RASGRP3: variants seen among roughly 807,000 people sequenced by gnomAD.
RASGRP3 encodes the protein RAS guanyl releasing protein 3.
A neutral mutation model predicts 82.7 loss-of-function variants in RASGRP3; 54 were observed. That is an observed-to-expected ratio of 0.65 (90% CI 0.52 to 0.82). The LOEUF (loss-of-function observed/expected upper bound fraction) is 0.82, where lower values mean the gene tolerates loss of function less well. Ranked by LOEUF, RASGRP3 falls within the 40% of genes least tolerant of loss-of-function variation. The probability of loss-of-function intolerance (pLI) is 0.00; values close to 1 mark genes in which losing one functional copy is unlikely to be tolerated. For missense variants in RASGRP3, 861 were observed against 828.9 expected (o/e 1.04, Z -0.48); for synonymous variants, 309 against 300.5 (o/e 1.03, Z -0.29).
rs1298133726 is a variant in RASGRP3, at chr2:33,563,957, C to T, written c.*1220C>T. 1 of 152,130 alleles carries T rather than the reference C, an allele frequency of 6.6e-6. No individual in the cohort carries two copies. Among genetic ancestry groups the T allele is most frequent in the Non-Finnish European group, 1.5e-5 (1 of 68,030 alleles). The allele number at this position is 152,130 out of a possible 1,614,324, so 9.4% of individuals were successfully genotyped here. The stretch of plus-strand genomic sequence containing the variant: ...GAGCTGGGACTGAGCCTGTGAATGA[C>T]AGGAATGATCTATTACCAGGTGACT... On this transcript the variant is annotated 3_prime_UTR_variant, in exon 18 of 18. Transcript: ENST00000403687.
At chr2:33,478,160 TGATGGAAGCAGTTTCG>T (rs1365637225) in intron 1 of RASGRP3, among the ~76,000 whole-genome samples, 1 of 152,214 alleles carries the variant, frequency 6.6e-6, no homozygotes, top group East Asian at 1.9e-4. Flanking sequence ...CAATGTTCTC[TGATGGAAGCAGTTTCG>T]GATGCCCTGT....
At chr2:33,439,459 C>G (rs1665106000) in intron 1 of RASGRP3, among the ~76,000 whole-genome samples, 1 of 152,068 alleles carries the variant, frequency 6.6e-6, no homozygotes. Context: ...TTCCTGCGCC[C>G]AAGGAATAGG....
chr2:33,539,701 C>G (rs950131673), intron 12 of RASGRP3: 2 of 152,270 alleles, frequency 1.3e-5, no homozygotes, highest in African/African-American at 4.8e-5. Context: ...CAGAGTTTTC[C>G]GTGTAGAAAA....
chr2:33,541,914 G>A (rs1044010797), intron 12 of RASGRP3, among the ~76,000 whole-genome samples: 5 of 146,678 alleles, frequency 3.4e-5, no homozygotes, highest in African/African-American at 1.2e-4. Context: ...TTTATCTTTG[G>A]TACTTTTATA....
In RASGRP3 at chr2:33,527,243, A is replaced by G; in HGVS notation, c.914A>G (p.His305Arg). Residue 305 changes from histidine (H) to arginine (R), a missense_variant, in exon 10 of 18, where the codon CAC becomes CGC. By Grantham distance (29) the His-to-Arg change is conservative. Coordinates refer to ENST00000403687, the MANE Select transcript of RASGRP3 (RefSeq NM_001139488.2). ...DGFKIPILGV[H>R]LKDLIAVHVI... ...TTCAAAATCCCCATCCTTGGAGTACACTTGAAAGACTTGATAGCTGTCCAT... is the reference window on the plus strand; with the variant it reads ...TTCAAAATCCCCATCCTTGGAGTACGCTTGAAAGACTTGATAGCTGTCCAT... 2 of 1,614,026 alleles carry G rather than the reference A, an allele frequency of 1.2e-6. No individual in the cohort carries two copies. The highest frequency in any genetic ancestry group is 1.7e-6 in the Non-Finnish European group (2 of 1,179,890).
chr2:33,519,466 A>T (rs1308306749), intron 4 of RASGRP3, among the ~76,000 whole-genome samples: 2 of 152,126 alleles, frequency 1.3e-5, no homozygotes, highest in Admixed American at 6.6e-5. Flanking sequence ...AATACAAAAA[A>T]TTAGCCAGGC....
chr2:33,521,395 G>C (rs995046921), intron 6 of RASGRP3, among the ~76,000 whole-genome samples: 1 of 152,166 alleles, frequency 6.6e-6, no homozygotes, highest in African/African-American at 2.4e-5. Flanking sequence ...AGTCTACTCT[G>C]TTTTCCACTG....
chr2:33,482,636 G>C (rs1175673225), intron 1 of RASGRP3: 8 of 152,230 alleles, frequency 5.3e-5, no homozygotes, highest in Admixed American at 3.3e-4. Context: ...ACAACTGAGA[G>C]AGTCTTAACT....
intron 1 of RASGRP3, among the ~76,000 whole-genome samples, chr2:33,443,619 AC>A (rs1049438646): frequency 7.9e-5 from 12 of 151,440 alleles, no homozygotes; most frequent in Admixed American, 7.3e-4. Context: ...AGAAATACAT[AC>A]CTGTAATCCC....
intron 2 of RASGRP3, among the ~76,000 whole-genome samples, chr2:33,449,028 A>G (rs1665647962): frequency 6.6e-6 from 1 of 152,210 alleles, no homozygotes. Context: ...TACATGTGGT[A>G]GAGATTAGAC....
At position 33,560,988 on chromosome 2, in the gene RASGRP3, A is replaced by T. The variant is rs1676586885; in HGVS notation, c.2065-1741A>T. Among the ~76,000 whole-genome samples, 3 of 152,158 alleles carry T rather than the reference A, an allele frequency of 2.0e-5. No homozygotes were observed. The South Asian group carries it at 6.2e-4, about 31-fold the overall frequency. ...AACAAGTATCTGGGTTTTTAAAAAA[A>T]TTTAATTTTGTTTCCTGGAAATTGA... On this transcript the variant is annotated intron_variant, in intron 17 of 17. Transcript: ENST00000403687.
At chr2:33,483,442 AAAATT>A (rs1668105609) in intron 1 of RASGRP3, among the ~76,000 whole-genome samples, 1 of 152,116 alleles carries the variant, frequency 6.6e-6, no homozygotes, top group African/African-American at 2.4e-5. Flanking sequence ...AATATGGAAA[AAAATT>A]AAATTCATAT....
intron 2 of RASGRP3, among the ~76,000 whole-genome samples, chr2:33,457,170 C>T (rs1027286459): frequency 1.3e-5 from 2 of 151,944 alleles, no homozygotes; most frequent in African/African-American, 2.4e-5. Context: ...CATGCCGGAC[C>T]GCTAAGTGCT....
intron 15 of RASGRP3, 60 bp from the exon 16 acceptor site, chr2:33,558,151 C>G: frequency 6.4e-7 from 1 of 1,574,200 alleles, no homozygotes; most frequent in Middle Eastern, 1.7e-4. Flanking sequence ...AAGTGCCACC[C>G]TGGAAACTGA....
chr2:33,519,444 G>C (rs1034849406), intron 4 of RASGRP3, among the ~76,000 whole-genome samples: 1 of 152,028 alleles, frequency 6.6e-6, no homozygotes, highest in Admixed American at 6.6e-5. Context: ...GCGAAACCCC[G>C]TCTCTACTAA....
chr2:33,512,542 T>C (rs1184370534), intron 2 of RASGRP3, among the ~76,000 whole-genome samples: 1 of 152,232 alleles, frequency 6.6e-6, no homozygotes, highest in African/African-American at 2.4e-5. Flanking sequence ...CAAGTTCTAA[T>C]GATGAATATA....
At chr2:33,561,223 T>G (rs751377057) in intron 17 of RASGRP3, among the ~76,000 whole-genome samples, 13 of 152,140 alleles carry the variant, frequency 8.5e-5, no homozygotes, top group Non-Finnish European at 1.3e-4. Context: ...TGTGCCACCA[T>G]GCCCGGCTGA....
rs371728667 is a variant in RASGRP3 at position 33,445,669 on chromosome 2, TCTAA to T, written c.-384-2147_-384-2144del. Among the ~76,000 whole-genome samples, 30 of 151,906 alleles carry T rather than the reference TCTAA, an allele frequency of 2.0e-4. No individual in the cohort carries two copies. In the East Asian group the frequency reaches 3.5e-3, roughly 18 times the overall value. ...ATGCATTTGAAATTATTCAATGAAA[TCTAA>T]CTATTGATGTACTATTTCTACATTA... On this transcript the variant is annotated intron_variant, in intron 1 of 18. Transcript: ENST00000402538.
chr2:33,472,280 A>G (rs1045139827), upstream of RASGRP3, among the ~76,000 whole-genome samples: 11 of 152,230 alleles, frequency 7.2e-5, no homozygotes, highest in African/African-American at 2.4e-4. Flanking sequence ...CCTAATTATA[A>G]TACAGAAAGA....
Sources: allele counts gnomAD v4.1 joint callset (sites outside exome capture counted in the v4.1 genomes callset), GRCh38; gene constraint gnomAD v4.1.1; transcripts MANE v1.5; gene names NCBI Gene and HGNC (gene_info 2026-07-23, HGNC 2026-07-21).